The following PCCA variants were observed in gnomAD, a reference collection of about 807,000 sequenced individuals.
The protein encoded by PCCA is propionyl-CoA carboxylase subunit alpha, also known as propionyl-CoA carboxylase alpha chain, mitochondrial.
Under a neutral mutation model 101.3 loss-of-function variants are expected in PCCA, and 74 were observed. The observed-to-expected ratio is 0.73, with a 90% CI of 0.61 to 0.89. PCCA has a LOEUF of 0.89. Among genes scored for constraint, PCCA ranks in the 40% least tolerant of loss-of-function variants. The pLI is 0.00. For missense variants in PCCA, 891 were observed against 907.0 expected, an observed-to-expected ratio of 0.98 and a Z score of 0.23; for synonymous variants, 294 against 313.6, an observed-to-expected ratio of 0.94 and a Z score of 0.66.
rs556042608 is a variant in PCCA at position 100,492,605 on chromosome 13, C to T, written c.1900-22822C>T. ...GAGGGTGGTTCCCCAGCAAAGGCCCCACCCTCAAGCCTGGAAATCCGGAGC... is the reference window on the plus strand; with the variant it reads ...GAGGGTGGTTCCCCAGCAAAGGCCCTACCCTCAAGCCTGGAAATCCGGAGC... On this transcript the variant is annotated intron_variant, in intron 21 of 23. Coordinates refer to ENST00000376285, the MANE Select transcript of PCCA (RefSeq NM_000282.4). Among the ~76,000 whole-genome samples, 19 of 151,646 alleles carry T rather than the reference C, an allele frequency of 1.3e-4. No homozygotes were observed. In the South Asian group the frequency reaches 2.3e-3, roughly 18 times the overall value.
chr13:100,091,062 A>G (rs898509602), intron 1 of PCCA, among the ~76,000 whole-genome samples: 1 of 152,232 alleles, frequency 6.6e-6, no homozygotes, highest in Non-Finnish European at 1.5e-5. Flanking sequence ...GACAGGTTAG[A>G]AGAACTGAAA....
Position 100,376,153 on chromosome 13 carries a change from G to A in PCCA, c.1746+7579G>A, listed in dbSNP as rs148814352. Among the ~76,000 whole-genome samples the A allele has an allele frequency of 3.7e-3, 561 of 152,340 alleles. 3 individuals are homozygous for A. Among genetic ancestry groups the A allele is most frequent in the Admixed American group, 6.9e-3 (106 of 15,306 alleles). ...TTGCTGGAGGTCCACTCCAGATCCT[G>A]TTTGACTGGGTATCACTAGCAGAGG... On this transcript the variant is annotated intron_variant, in intron 19 of 23. Coordinates refer to ENST00000376285, the MANE Select transcript of PCCA (RefSeq NM_000282.4).
chr13:100,457,495 A>T (rs2081832270), intron 21 of PCCA, among the ~76,000 whole-genome samples: 1 of 152,190 alleles, frequency 6.6e-6, no homozygotes, highest in Non-Finnish European at 1.5e-5. Context: ...TCAGGATACC[A>T]TTGTCTTTGT....
intron 21 of PCCA, among the ~76,000 whole-genome samples, chr13:100,497,438 C>T (rs1306013666): frequency 6.6e-6 from 1 of 151,580 alleles, no homozygotes; most frequent in Non-Finnish European, 1.5e-5. Context: ...GCAGTGTAGC[C>T]TCTTTGACAC....
intron 21 of PCCA, among the ~76,000 whole-genome samples, chr13:100,455,404 A>G (rs776961805): frequency 1.3e-5 from 2 of 152,224 alleles, no homozygotes; most frequent in Non-Finnish European, 2.9e-5. Context: ...TCCCACATTT[A>G]TATCCCTAAG....
intron 4 of PCCA, among the ~76,000 whole-genome samples, chr13:100,142,572 C>T (rs954744679): frequency 6.6e-6 from 1 of 150,550 alleles, no homozygotes; most frequent in African/African-American, 2.5e-5. Flanking sequence ...CTCCTGGGTT[C>T]AAGTGATTCT....
At chr13:100,139,791 G>A (rs2051641286) in intron 4 of PCCA, among the ~76,000 whole-genome samples, 1 of 151,988 alleles carries the variant, frequency 6.6e-6, no homozygotes, top group South Asian at 2.1e-4. Context: ...TAGATATTTT[G>A]AGTATGATGT....
chr13:100,188,681 TA>T (rs2057508608), intron 6 of PCCA, among the ~76,000 whole-genome samples: 1 of 152,228 alleles, frequency 6.6e-6, no homozygotes, highest in East Asian at 1.9e-4. Context: ...AATAGCAGTG[TA>T]AAAGTGTTCC....
intron 18 of PCCA, among the ~76,000 whole-genome samples, chr13:100,365,640 G>A (rs537518200): frequency 2.0e-5 from 3 of 152,332 alleles, no homozygotes; most frequent in African/African-American, 7.2e-5. Context: ...TGAAGGATCT[G>A]TTAGTGTGAG....
intron 4 of PCCA, among the ~76,000 whole-genome samples, chr13:100,134,510 T>C (rs560663941): frequency 6.6e-6 from 1 of 152,212 alleles, no homozygotes; most frequent in Non-Finnish European, 1.5e-5. Context: ...TGTTGAGTCT[T>C]CCAATCCATG....
chr13:100,153,550 A>G (rs1383299545), intron 4 of PCCA, among the ~76,000 whole-genome samples: 1 of 152,218 alleles, frequency 6.6e-6, no homozygotes, highest in East Asian at 1.9e-4. Context: ...GAAGAAAACT[A>G]CAATCACAAT....
intron 21 of PCCA, among the ~76,000 whole-genome samples, chr13:100,507,991 T>A (rs1027072125): frequency 2.0e-5 from 3 of 151,792 alleles, no homozygotes; most frequent in Admixed American, 1.3e-4. Context: ...TTGGCACTAT[T>A]TTTTTTTAAG....
intron 6 of PCCA, among the ~76,000 whole-genome samples, chr13:100,184,240 TGCTGAAATACA>T (rs2057051197): frequency 6.6e-6 from 1 of 152,196 alleles, no homozygotes; most frequent in African/African-American, 2.4e-5. Context: ...CTTTCTCCTC[TGCTGAAATACA>T]GCCTACACAA....
chr13:100,239,407 A>C (rs2060990563), intron 8 of PCCA, among the ~76,000 whole-genome samples: 1 of 152,188 alleles, frequency 6.6e-6, no homozygotes. Flanking sequence ...AAATACTGTA[A>C]GGTACTCAAA....
At chr13:100,456,811 G>A (rs1347378992) in intron 21 of PCCA, among the ~76,000 whole-genome samples, 1 of 152,206 alleles carries the variant, frequency 6.6e-6, no homozygotes, top group Non-Finnish European at 1.5e-5. Flanking sequence ...TGGACAAGGA[G>A]CGTGACCGTT....
Position 100,089,133 on chromosome 13 carries a change from TG to T in PCCA, c.16del (p.Val6SerfsTer20). MAGF[W>X]VGTAPLVAAG... is the part of the protein sequence containing the mutation. ...TGCGGGGACAACAATGGCGGGGTTC[TG>T]GGTCGGGACAGCACCGCTGGTCGCT... is the stretch of plus-strand genomic sequence containing the variant. On this transcript the variant is annotated frameshift_variant, in exon 1 of 24. Transcript: ENST00000376285. LOFTEE classifies it high-confidence loss of function. The T allele has an allele frequency of 1.3e-6, 2 of 1,507,322 alleles. No homozygotes were observed. Among genetic ancestry groups the T allele is most frequent in the Non-Finnish European group, 1.8e-6 (2 of 1,125,934 alleles). 93.4% of individuals were successfully genotyped at this position (1,507,322 alleles called of 1,614,324 possible). A position where few individuals can be genotyped will look rare whatever the true frequency, so the allele number is the denominator to read the frequency against.
intron 19 of PCCA, among the ~76,000 whole-genome samples, chr13:100,421,847 G>C (rs1427118088): frequency 6.6e-6 from 1 of 151,974 alleles, no homozygotes; most frequent in Non-Finnish European, 1.5e-5. Context: ...ACCATGCCCG[G>C]CTAATTTTTG....
chr13:100,377,434 C>A (rs917434023), intron 19 of PCCA, among the ~76,000 whole-genome samples: 2 of 152,092 alleles, frequency 1.3e-5, no homozygotes, highest in Non-Finnish European at 1.5e-5. Context: ...GTGTTTCTTG[C>A]AGGCAGCATA....
At position 100,265,401 on chromosome 13, in the gene PCCA, G is replaced by A. The variant is rs150320523; in HGVS notation, c.819+2570G>A. 3.5e-3 allele frequency among the ~76,000 whole-genome samples: 534 copies of A among 152,222 alleles called. 2 individuals carry two copies. The highest frequency in any genetic ancestry group is 0.012 in the African/African-American group (490 of 41,524). ...TTTGTTGCATATTAAGTGAGACTTC[G>A]TCATTGTCTTAACTATTTTGCTTTT... On this transcript the variant is annotated intron_variant, in intron 10 of 23. Coordinates refer to ENST00000376285, the MANE Select transcript of PCCA (RefSeq NM_000282.4).
Sources: gnomAD v4.1 joint callset for allele counts (sites outside exome capture counted in the v4.1 genomes callset) on GRCh38, gnomAD v4.1.1 for gene constraint, MANE v1.5 for transcripts, NCBI Gene and HGNC (gene_info 2026-07-23, HGNC 2026-07-21) for gene names.